Variants in SETD2 observed in about 807,000 individuals in gnomAD.
SETD2 encodes SET domain containing 2, histone lysine methyltransferase.
A neutral mutation model predicts 242.1 loss-of-function variants in SETD2; 31 were observed. The ratio of observed to expected loss-of-function variants is 0.13; its 90% CI spans 0.10 to 0.17. The LOEUF is 0.17. Among genes scored for constraint, SETD2 ranks in the 10% least tolerant of loss-of-function variants. The probability of loss-of-function intolerance (pLI) is 1.00; values close to 1 mark genes in which losing one functional copy is unlikely to be tolerated. For missense variants in SETD2, 2,481 were observed against 3,046.3 expected (o/e 0.81, Z 4.37); for synonymous variants, 1,006 against 1,066.5 (o/e 0.94, Z 1.11).
intron 15 of SETD2, among the ~76,000 whole-genome samples, chr3:47,049,458 C>T (rs1252453548): frequency 2.1e-5 from 3 of 144,796 alleles, no homozygotes; most frequent in Non-Finnish European, 4.5e-5. Context: ...CTGCAAGCTC[C>T]GCCTCCCGGG....
intron 1 of SETD2, among the ~76,000 whole-genome samples, chr3:47,139,857 C>T (rs1272820759): frequency 6.6e-6 from 1 of 152,102 alleles, no homozygotes; most frequent in African/African-American, 2.4e-5. Context: ...GTATGCTAAC[C>T]TGAACTAGCA....
At chr3:47,023,425 A>T (rs537744189) in intron 18 of SETD2, among the ~76,000 whole-genome samples, 5 of 152,166 alleles carry the variant, frequency 3.3e-5, no homozygotes, top group Non-Finnish European at 7.3e-5. Context: ...AATACTGTTT[A>T]GAACATAAAA....
intron 12 of SETD2, among the ~76,000 whole-genome samples, chr3:47,070,757 G>C (rs2107608716): frequency 6.6e-6 from 1 of 152,236 alleles, no homozygotes; most frequent in East Asian, 1.9e-4. Context: ...TATAACAGAA[G>C]ATTTCAAAAT....
intron 1 of SETD2, chr3:47,127,409 G>A: frequency 4.9e-6 from 1 of 205,606 alleles, no homozygotes; most frequent in Non-Finnish European, 1.0e-5. Context: ...TTTGTGAGAA[G>A]ATCCCAGGCA....
intron 12 of SETD2, among the ~76,000 whole-genome samples, chr3:47,073,333 A>G (rs897204271): frequency 1.3e-5 from 2 of 152,202 alleles, no homozygotes; most frequent in Non-Finnish European, 2.9e-5. Context: ...AATTAAGCAG[A>G]TAAATTTTCC....
intron 1 of SETD2, among the ~76,000 whole-genome samples, chr3:47,140,778 T>C (rs535282309): frequency 6.6e-6 from 1 of 152,248 alleles, no homozygotes; most frequent in Non-Finnish European, 1.5e-5. Flanking sequence ...CAAGAATTAC[T>C]TGAATCCCAG....
chr3:47,051,791 T>A (rs930964513), intron 15 of SETD2, among the ~76,000 whole-genome samples: 1 of 152,016 alleles, frequency 6.6e-6, no homozygotes, highest in African/African-American at 2.4e-5. Context: ...AAGTCAATCA[T>A]CCAAATGTAC....
At chr3:47,028,269 A>G (rs1352076431) in intron 18 of SETD2, among the ~76,000 whole-genome samples, 2 of 152,192 alleles carry the variant, frequency 1.3e-5, no homozygotes, top group Non-Finnish European at 2.9e-5. Context: ...ACTCTGGGGC[A>G]GAGAGGAAAA....
chr3:47,161,708 G>A (rs1029476926), intron 1 of SETD2, among the ~76,000 whole-genome samples: 1 of 152,196 alleles, frequency 6.6e-6, no homozygotes, highest in Non-Finnish European at 1.5e-5. Flanking sequence ...GGCCAAGGCA[G>A]GAGGCTCACT....
chr3:47,109,491 C>T (rs953260766), intron 5 of SETD2, among the ~76,000 whole-genome samples: 1 of 151,650 alleles, frequency 6.6e-6, no homozygotes, highest in Non-Finnish European at 1.5e-5. Context: ...ACTAAAAATA[C>T]AAAAAAATTA....
intron 18 of SETD2, among the ~76,000 whole-genome samples, chr3:47,036,122 C>A (rs1225074067): frequency 2.6e-5 from 4 of 152,240 alleles, no homozygotes. Flanking sequence ...TCCCTTCTCA[C>A]TCCAGCTCCT....
At chr3:47,046,019 G>C (rs1325111939) in intron 16 of SETD2, among the ~76,000 whole-genome samples, 1 of 151,832 alleles carries the variant, frequency 6.6e-6, no homozygotes, top group African/African-American at 2.4e-5. Flanking sequence ...GGGTGGCTCA[G>C]GTGAATTTGG....
At chr3:47,150,172 G>T (rs982944731) in intron 1 of SETD2, among the ~76,000 whole-genome samples, 1 of 151,604 alleles carries the variant, frequency 6.6e-6, no homozygotes, top group African/African-American at 2.4e-5. Context: ...TGGGACTCCA[G>T]GCACCTGCCA....
chr3:47,130,435 C>T lies in SETD2; in HGVS notation c.72-3772G>A, dbSNP rs1469766864. Among the ~76,000 whole-genome samples, 4 of 152,080 alleles carry T rather than the reference C, an allele frequency of 2.6e-5. No individual in the cohort carries two copies. The East Asian group carries it at 7.7e-4, about 29-fold the overall frequency. On this transcript the variant is annotated intron_variant, in intron 1 of 20. Coordinates refer to ENST00000409792, the MANE Select transcript of SETD2 (RefSeq NM_014159.7). ...CAGGAGAGTCTTCTTGGGTAGGAGA[C>T]CTAGGTACGGCCAGGAAGAGTAGAC...
chr3:47,112,137 A>G (rs1004650064), intron 5 of SETD2, among the ~76,000 whole-genome samples: 2 of 142,492 alleles, frequency 1.4e-5, no homozygotes, highest in African/African-American at 2.6e-5. Context: ...TTTTTTGGAG[A>G]CAGTCTCGCT....
chr3:47,129,623 C>T (rs1559755728), intron 1 of SETD2, among the ~76,000 whole-genome samples: 1 of 152,192 alleles, frequency 6.6e-6, no homozygotes, highest in Admixed American at 6.5e-5. Flanking sequence ...CAGTGGCTCA[C>T]GCCTGTAATC....
rs765867260 is a variant in SETD2 at position 47,121,443 on chromosome 3, G to A, written c.3193C>T (p.Arg1065Cys). ...DSDDSSIPRN[R>C]LQSVVVVPKN... ...GGCACAACCACAACAGACTGGAGAC[G>A]GTTTCTTGGAATACTGCTATCATCC... Residue 1065 changes from arginine to cysteine, a missense_variant, in exon 3 of 21, where the codon CGT becomes TGT. By Grantham distance (180) the Arg-to-Cys change is radical. This residue lies in a region of SETD2 where 1,300 missense variants were observed against 1,259.2 expected (regional missense o/e 1.03). Coordinates refer to ENST00000409792, the MANE Select transcript of SETD2 (RefSeq NM_014159.7). 8.7e-6 allele frequency: 14 copies of A among 1,612,328 alleles called. No individual in the cohort carries two copies. In the East Asian group the frequency reaches 1.1e-4, roughly 13 times the overall value.
chr3:47,130,897 A>G (rs182773829), intron 1 of SETD2, among the ~76,000 whole-genome samples: 106 of 152,330 alleles, frequency 7.0e-4, no homozygotes, highest in South Asian at 2.7e-3. Context: ...ATAAATCTCT[A>G]TTAGGTCACA....
At chr3:47,085,648 A>C (rs1176851771) in intron 11 of SETD2, among the ~76,000 whole-genome samples, 1 of 152,232 alleles carries the variant, frequency 6.6e-6, no homozygotes, top group Non-Finnish European at 1.5e-5. Context: ...TAAATAAAAG[A>C]CTCTGGGATT....
Sources: gnomAD v4.1 joint callset for allele counts (sites outside exome capture counted in the v4.1 genomes callset) on GRCh38, gnomAD v4.1.1 for gene constraint, gnomAD v4.1.1 regional missense constraint, MANE v1.5 for transcripts, NCBI Gene and HGNC (gene_info 2026-07-23, HGNC 2026-07-21) for gene names.